EMID1: variants seen among roughly 807,000 people sequenced by gnomAD.
EMID1 encodes EMI domain containing 1.
Under a neutral mutation model 60.6 loss-of-function variants are expected in EMID1, and 40 were observed. That is an observed-to-expected ratio of 0.66 (90% confidence interval 0.51 to 0.86). The LOEUF is 0.86. Ranked by LOEUF, EMID1 falls within the 40% of genes least tolerant of loss-of-function variation. The pLI is 0.00. For synonymous variants in EMID1, 242 were observed against 231.0 expected (o/e 1.05, Z -0.43); for missense variants, 585 against 597.1 (o/e 0.98, Z 0.21).
At chr22:29,254,518 C>G (rs1478197158) in intron 14 of EMID1, 1 of 524,352 alleles carries the variant, frequency 1.9e-6, no homozygotes, top group Non-Finnish European at 3.5e-6. Flanking sequence ...GTGGTCAGAC[C>G]TGGGCCTCTA....
intron 1 of EMID1, among the ~76,000 whole-genome samples, chr22:29,208,039 G>C (rs895727813): frequency 1.3e-5 from 2 of 152,180 alleles, no homozygotes; most frequent in Admixed American, 6.5e-5. Flanking sequence ...TTCTTTCCTC[G>C]TGGGAAGGAC....
intron 4 of EMID1, among the ~76,000 whole-genome samples, chr22:29,226,269 A>G (rs1243267808): frequency 1.3e-5 from 2 of 152,188 alleles, no homozygotes; most frequent in Non-Finnish European, 2.9e-5. Context: ...CTGCCGGAGA[A>G]GCAGGCCACT....
chr22:29,232,685 A>G (rs567572427), intron 8 of EMID1: 260 of 385,528 alleles, frequency 6.7e-4, no homozygotes, highest in African/African-American at 5.1e-3. Flanking sequence ...GCCACCGGGC[A>G]TCAGGCCCTC....
At chr22:29,224,477 T>G (rs939617033) in intron 3 of EMID1, among the ~76,000 whole-genome samples, 1 of 152,240 alleles carries the variant, frequency 6.6e-6, no homozygotes, top group Admixed American at 6.5e-5. Context: ...GGGGTTCTCC[T>G]CCGGTAGGGG....
chr22:29,255,208 G>GGC, intron 14 of EMID1: 3 of 815,194 alleles, frequency 3.7e-6, no homozygotes, highest in Non-Finnish European at 5.3e-6. Context: ...TCCCCGCTTG[G>GGC]CTCCCCAGCC....
At chr22:29,237,223 C>T (rs1418720277) in intron 12 of EMID1, among the ~76,000 whole-genome samples, 1 of 143,740 alleles carries the variant, frequency 7.0e-6, no homozygotes, top group Non-Finnish European at 1.5e-5. Context: ...TGCTCTGTCA[C>T]CCAGGCTGTA....
At chr22:29,225,035 G>A in intron 3 of EMID1, 98 bp from the exon 4 acceptor site, 1 of 1,229,890 alleles carries the variant, frequency 8.1e-7, no homozygotes, top group Non-Finnish European at 1.2e-6. Flanking sequence ...CCTACGCTGA[G>A]GGCAGTAGGG....
intron 3 of EMID1, among the ~76,000 whole-genome samples, chr22:29,217,834 G>C (rs2040142335): frequency 6.6e-6 from 1 of 152,166 alleles, no homozygotes; most frequent in African/African-American, 2.4e-5. Context: ...TCCCACAGTT[G>C]GTTTCAGGCT....
At chr22:29,254,017 C>T (rs906392966) in intron 13 of EMID1, 186 bp from the exon 14 acceptor site, 17 of 985,312 alleles carry the variant, frequency 1.7e-5, no homozygotes, top group East Asian at 1.1e-4. Flanking sequence ...TGCTTCCTTC[C>T]GTCTGCCTTG....
At chr22:29,206,209 G>A (rs1350357492) in intron 1 of EMID1, 70 bp downstream of exon 1, 1 of 1,134,362 alleles carries the variant, frequency 8.8e-7, no homozygotes, top group Non-Finnish European at 1.1e-6. Flanking sequence ...CCACCTCCAG[G>A]AAGGGCTGGG....
rs2040953521 is a variant in EMID1 at position 29,236,510 on chromosome 22, G to A, written c.1074+2161G>A. Among the ~76,000 whole-genome samples the A allele has an allele frequency of 2.0e-5, 3 of 152,170 alleles. No individual in the cohort carries two copies. The South Asian group carries it at 6.2e-4, about 32-fold the overall frequency. The stretch of plus-strand genomic sequence containing the variant: ...GTTTGAGACCAGCCTGGCCAACATG[G>A]TGAAACCCCGTCTCTACTAAAAACA... On this transcript the variant is annotated intron_variant, in intron 12 of 14. Coordinates refer to ENST00000334018, the MANE Select transcript of EMID1 (RefSeq NM_133455.4).
chr22:29,206,080 CCTG>C lies in EMID1; in HGVS notation c.45_47del (p.Leu16del), dbSNP rs1202907825. 3.3e-6 allele frequency: 4 copies of C among 1,230,430 alleles called. No individual in the cohort carries two copies. In the African/African-American group the frequency reaches 6.2e-5, roughly 19 times the overall value. The allele number at this position is 1,230,430 out of a possible 1,614,324, so 76.2% of individuals were successfully genotyped here. On this transcript the variant is annotated inframe_deletion, in exon 1 of 15. Coordinates refer to ENST00000334018, the MANE Select transcript of EMID1 (RefSeq NM_133455.4). Reference sequence around the variant, plus strand: ...CTTGGGCGCTGCTCTGCCTCGGGCTCCTGCTCCCGGGAGGCGGCGCTGCGTGGA... The same window carrying C: ...CTTGGGCGCTGCTCTGCCTCGGGCTCCTCCCGGGAGGCGGCGCTGCGTGGA...
At chr22:29,244,324 C>A (rs967195488) in intron 13 of EMID1, among the ~76,000 whole-genome samples, 1 of 152,138 alleles carries the variant, frequency 6.6e-6, no homozygotes, top group Non-Finnish European at 1.5e-5. Context: ...GATGCCGTGG[C>A]TCCTACCTGT....
At position 29,258,402 on chromosome 22, in the gene EMID1, C is replaced by T. The variant is rs1037504490; in HGVS notation, c.1205-415C>T. 5.3e-4 allele frequency among the ~76,000 whole-genome samples: 80 copies of T among 152,322 alleles called. 3 individuals are homozygous for T. Among genetic ancestry groups the T allele is most frequent in the South Asian group, 1.4e-3 (7 of 4,830 alleles). ...AGCCTGGCCTCCTAAGCTCTTTCCC[C>T]CAACTGGTGGCCTAGCCCATGTCTG... On this transcript the variant is annotated intron_variant, in intron 14 of 14. Transcript: ENST00000334018.
chr22:29,231,343 GC>G, intron 6 of EMID1: 1 of 882,458 alleles, frequency 1.1e-6, no homozygotes, highest in South Asian at 1.7e-5. Context: ...AGACCAAGCA[GC>G]CCCAGCAGAC....
chr22:29,257,124 A>G (rs2041732884), intron 14 of EMID1, among the ~76,000 whole-genome samples: 1 of 152,096 alleles, frequency 6.6e-6, no homozygotes, highest in South Asian at 2.1e-4. Flanking sequence ...CCAGGGAGAA[A>G]AGTGCCAGAC....
At chr22:29,210,183 T>C (rs757253321) in intron 1 of EMID1, among the ~76,000 whole-genome samples, 46 of 151,746 alleles carry the variant, frequency 3.0e-4, no homozygotes, top group Non-Finnish European at 6.0e-4. Flanking sequence ...ACCAGCTCCA[T>C]GTCTCCTAAG....
intron 12 of EMID1, among the ~76,000 whole-genome samples, chr22:29,238,476 G>A (rs2041041458): frequency 7.1e-6 from 1 of 141,694 alleles, no homozygotes; most frequent in Non-Finnish European, 1.5e-5. Flanking sequence ...GGAGTGCAAT[G>A]GTGTGATCTT....
Position 29,258,906 on chromosome 22 carries a change from C to G in EMID1, c.1294C>G (p.Arg432Gly). Reference sequence around the variant, plus strand: ...GAGGGGCGGACATGCAACCAACTACCGGATCGTGGCCCCCAGGAGCCGGGA... The same window carrying G: ...GAGGGGCGGACATGCAACCAACTACGGGATCGTGGCCCCCAGGAGCCGGGA... Reference protein sequence around the residue: ...GKRGGHATNYRIVAPRSRDER... With the variant: ...GKRGGHATNYGIVAPRSRDER... Residue 432 changes from arginine to glycine, a missense_variant, in exon 15 of 15, where the codon CGG becomes GGG. Arg to Gly is a moderately radical substitution (Grantham distance 125). Transcript: ENST00000334018. The G allele has an allele frequency of 6.2e-7, 1 of 1,613,342 alleles. No individual in the cohort carries two copies. The highest frequency in any genetic ancestry group is 8.5e-7 in the Non-Finnish European group (1 of 1,179,750).
Sources: gnomAD v4.1 joint callset for allele counts (sites outside exome capture counted in the v4.1 genomes callset) on GRCh38, gnomAD v4.1.1 for gene constraint, MANE v1.5 for transcripts, NCBI Gene and HGNC (gene_info 2026-07-23, HGNC 2026-07-21) for gene names.